Variants in TMEM87A observed in about 807,000 individuals in gnomAD.
TMEM87A encodes Golgi-pH regulating cation channel.
In TMEM87A, 50 loss-of-function variants were observed where a neutral mutation model predicts 90.0. That is an observed-to-expected ratio of 0.56 (90% CI 0.44 to 0.70). TMEM87A has a LOEUF of 0.70. Among genes scored for constraint, TMEM87A ranks in the 30% least tolerant of loss-of-function variants. TMEM87A has a pLI of 0.00. For synonymous variants in TMEM87A, 226 were observed against 226.7 expected (o/e 1.00, Z 0.03); for missense variants, 577 against 660.5 (o/e 0.87, Z 1.39).
intron 6 of TMEM87A, among the ~76,000 whole-genome samples, chr15:42,255,227 A>C (rs1447321470): frequency 6.6e-6 from 1 of 151,814 alleles, no homozygotes; most frequent in East Asian, 1.9e-4. Context: ...TCCACCTCCC[A>C]GGTTCAAGCC....
chr15:42,221,265 C>CAGACAGAG (rs1491577357), intron 15 of TMEM87A, among the ~76,000 whole-genome samples: 8 of 146,462 alleles, frequency 5.5e-5, no homozygotes, highest in African/African-American at 1.6e-4. Context: ...AAAGGAGAGA[C>CAGACAGAG]AGAGACAGAG....
chr15:42,235,130 C>G (rs2050748554), intron 10 of TMEM87A, among the ~76,000 whole-genome samples: 3 of 152,290 alleles, frequency 2.0e-5, no homozygotes, highest in Non-Finnish European at 4.4e-5. Flanking sequence ...TCTCCGCCTC[C>G]AGGGTTCAAG....
intron 6 of TMEM87A, among the ~76,000 whole-genome samples, chr15:42,249,249 T>C (rs891357427): frequency 1.8e-4 from 28 of 152,208 alleles, no homozygotes; most frequent in Non-Finnish European, 4.0e-4. Context: ...ATTCATTGAT[T>C]CTCTTGAAGG....
chr15:42,216,999 G>C (rs1420840544), intron 19 of TMEM87A, among the ~76,000 whole-genome samples: 2 of 104,548 alleles, frequency 1.9e-5, no homozygotes, highest in Admixed American at 1.1e-4. Context: ...TCACTCTTTT[G>C]CCCAGGCTGG....
chr15:42,220,791 A>T (rs535283083), intron 15 of TMEM87A, among the ~76,000 whole-genome samples: 7 of 151,944 alleles, frequency 4.6e-5, no homozygotes, highest in South Asian at 4.1e-4. Flanking sequence ...TTTATTATTT[A>T]TTTATTTATT....
chr15:42,246,771 T>C (rs2050981305), intron 6 of TMEM87A, among the ~76,000 whole-genome samples: 1 of 152,240 alleles, frequency 6.6e-6, no homozygotes, highest in Non-Finnish European at 1.5e-5. Context: ...CATGTGTCCT[T>C]ATACTAGCAT....
upstream of TMEM87A, chr15:42,273,500 A>T: frequency 6.5e-7 from 1 of 1,537,870 alleles, no homozygotes; most frequent in Non-Finnish European, 8.7e-7. Flanking sequence ...CGGGTCCTGG[A>T]AACGTCGCGG....
intron 10 of TMEM87A, among the ~76,000 whole-genome samples, 174 bp downstream of exon 10, chr15:42,236,146 A>G (rs970584232): frequency 6.6e-6 from 1 of 152,250 alleles, no homozygotes; most frequent in Non-Finnish European, 1.5e-5. Context: ...AAGTATGGAA[A>G]ATGAAACACA....
chr15:42,230,754 G>A (rs899042897), intron 12 of TMEM87A, among the ~76,000 whole-genome samples: 1 of 152,106 alleles, frequency 6.6e-6, no homozygotes, highest in African/African-American at 2.4e-5. Context: ...AAAAGTCAAA[G>A]CACCTTACAT....
intron 2 of TMEM87A, among the ~76,000 whole-genome samples, chr15:42,269,756 G>A (rs1408594456): frequency 2.7e-5 from 4 of 150,428 alleles, no homozygotes; most frequent in Non-Finnish European, 5.9e-5. Context: ...CTAACAAGGT[G>A]AAACCCCGTC....
chr15:42,211,779 T>A, intron 19 of TMEM87A, 30 bp from the exon 20 acceptor site: 1 of 1,603,220 alleles, frequency 6.2e-7, no homozygotes. Context: ...TTGAAGTATA[T>A]TAGGTTAAAA....
chr15:42,220,443 AG>A (rs1392391812), intron 15 of TMEM87A, among the ~76,000 whole-genome samples: 2 of 152,224 alleles, frequency 1.3e-5, no homozygotes, highest in Non-Finnish European at 2.9e-5. Flanking sequence ...CATTACTCAT[AG>A]GGGTGTTTTG....
Position 42,218,051 on chromosome 15 carries a change from G to T in TMEM87A, c.1596-218C>A, listed in dbSNP as rs2050411867. On this transcript the variant is annotated intron_variant, in intron 18 of 19. Coordinates refer to ENST00000389834, the MANE Select transcript of TMEM87A (RefSeq NM_015497.5). ...TATTTTGCAATGCAACAGGACCAAT[G>T]TTTCATTAAAATTATAGCCCTGGAA... 8.1e-6 allele frequency: 5 copies of T among 616,348 alleles called. No homozygotes were observed. In the South Asian group the frequency reaches 1.2e-4, roughly 15 times the overall value. The allele number at this position is 616,348 out of a possible 1,614,324, so 38.2% of individuals were successfully genotyped here. A position where few individuals can be genotyped will look rare whatever the true frequency, so the allele number is the denominator to read the frequency against.
chr15:42,251,805 C>T (rs998176850), intron 6 of TMEM87A, among the ~76,000 whole-genome samples: 7 of 152,264 alleles, frequency 4.6e-5, no homozygotes, highest in African/African-American at 1.7e-4. Flanking sequence ...ACGTTTTAGT[C>T]TTCAGAAGTT....
intron 2 of TMEM87A, among the ~76,000 whole-genome samples, chr15:42,270,525 G>A (rs1430888275): frequency 1.3e-5 from 2 of 152,128 alleles, no homozygotes; most frequent in Non-Finnish European, 2.9e-5. Context: ...GAACCTGGGA[G>A]GTGGAGGTTG....
At position 42,215,807 on chromosome 15, in the gene TMEM87A, T is replaced by G. The variant is rs185978464; in HGVS notation, c.1626+1996A>C. ...CTGGTGGAAATGTAAAATGGTGCAA[T>G]CACTATGGAAAACAGTATGAAAGCT... On this transcript the variant is annotated intron_variant, in intron 19 of 19. Transcript: ENST00000389834. 2.0e-5 allele frequency among the ~76,000 whole-genome samples: 3 copies of G among 152,240 alleles called. No individual in the cohort carries two copies. The East Asian group carries it at 5.8e-4, about 29-fold the overall frequency.
intron 19 of TMEM87A, among the ~76,000 whole-genome samples, chr15:42,214,132 G>A (rs1327574440): frequency 2.0e-5 from 3 of 151,886 alleles, no homozygotes; most frequent in African/African-American, 7.3e-5. Context: ...TCCGGGGGGG[G>A]AACACACAAC....
intron 2 of TMEM87A, among the ~76,000 whole-genome samples, chr15:42,269,638 G>A (rs1165417690): frequency 6.6e-6 from 1 of 152,180 alleles, no homozygotes. Flanking sequence ...TAAATGAAAG[G>A]CTTTAAGAGA....
intron 10 of TMEM87A, among the ~76,000 whole-genome samples, chr15:42,235,939 T>C (rs536784836): frequency 1.3e-5 from 2 of 152,248 alleles, no homozygotes; most frequent in East Asian, 3.9e-4. Context: ...TCAATAAAAA[T>C]AAAATTTTTT....
Sources: allele counts gnomAD v4.1 joint callset (sites outside exome capture counted in the v4.1 genomes callset), GRCh38; gene constraint gnomAD v4.1.1; transcripts MANE v1.5; gene names NCBI Gene and HGNC (gene_info 2026-07-23, HGNC 2026-07-21).